Variants in GPR158 observed in about 807,000 individuals in gnomAD.
The protein encoded by GPR158 is G protein-coupled receptor 158.
A neutral mutation model predicts 78.2 loss-of-function variants in GPR158; 30 were observed. The observed-to-expected ratio is 0.38, with a 90% confidence interval of 0.29 to 0.52. GPR158 has a LOEUF of 0.52. Among genes scored for constraint, GPR158 ranks in the 20% least tolerant of loss-of-function variants. GPR158 has a pLI of 0.83. For missense variants in GPR158, 1,463 were observed against 1,523.5 expected, an observed-to-expected ratio of 0.96 and a Z score of 0.66; for synonymous variants, 581 against 591.1, an observed-to-expected ratio of 0.98 and a Z score of 0.25.
intron 9 of GPR158, 98 bp from the exon 10 acceptor site, chr10:25,596,545 A>G: frequency 1.3e-6 from 1 of 775,582 alleles, no homozygotes; most frequent in Non-Finnish European, 2.1e-6. Context: ...AGGTATAGAT[A>G]TAGATACCTA....
intron 5 of GPR158, among the ~76,000 whole-genome samples, chr10:25,517,208 T>G (rs1240030801): frequency 6.7e-6 from 1 of 148,542 alleles, no homozygotes; most frequent in Non-Finnish European, 1.5e-5. Flanking sequence ...TTGTGATTTT[T>G]GTACATTGAT....
chr10:25,463,395 C>CTGGATGGATGGATGGA, intron 4 of GPR158, among the ~76,000 whole-genome samples: 1 of 149,682 alleles, frequency 6.7e-6, no homozygotes, highest in African/African-American at 2.5e-5. Flanking sequence ...TGAGGTTTGT[C>CTGGATGGATGGATGGA]TGGATGGATG....
intron 1 of GPR158, among the ~76,000 whole-genome samples, chr10:25,184,211 TAAAA>T (rs1179740112): frequency 6.6e-6 from 1 of 152,230 alleles, no homozygotes. Context: ...TTTATTTTCT[TAAAA>T]AGAGACAGGG....
intron 6 of GPR158, 39 bp from the exon 7 acceptor site, chr10:25,572,609 TG>T (rs1564493686): frequency 8.2e-7 from 1 of 1,219,930 alleles, no homozygotes; most frequent in East Asian, 2.3e-5. Context: ...ACTTTCTGAA[TG>T]TTAGGTTTGC....
At position 25,176,228 on chromosome 10, in the gene GPR158, C is replaced by T. The variant is rs763476040; in HGVS notation, c.808C>T (p.Leu270=). The change falls in exon 1 of 11, where the codon CTG becomes TTG. Residue 270 remains leucine, a synonymous_variant. Transcript: ENST00000376351. The surrounding 1 kb of genome is among the most constrained non-coding windows in gnomAD (Gnocchi z 6.3). ...KSHFKWSPPY[L]ECENGSYKPG... ...CCACTTCAAGTGGTCTCCGCCTTATCTGGAGTGCGAGAACGGGAGTTACAA... is the reference window on the plus strand; with the variant it reads ...CCACTTCAAGTGGTCTCCGCCTTATTTGGAGTGCGAGAACGGGAGTTACAA... The T allele has an allele frequency of 6.2e-7, 1 of 1,604,034 alleles. No individual in the cohort carries two copies.
At chr10:25,496,604 A>G (rs1419401575) in intron 5 of GPR158, among the ~76,000 whole-genome samples, 2 of 152,198 alleles carry the variant, frequency 1.3e-5, no homozygotes, top group Non-Finnish European at 2.9e-5. Flanking sequence ...ATTTGAGAGG[A>G]AAGAAGGAAC....
intron 2 of GPR158, among the ~76,000 whole-genome samples, chr10:25,316,424 T>C (rs966156477): frequency 4.6e-5 from 7 of 152,224 alleles, no homozygotes; most frequent in Non-Finnish European, 8.8e-5. Context: ...AACAACTTGG[T>C]GACCATTTGC....
At chr10:25,427,109 T>C (rs1257365304) in intron 4 of GPR158, among the ~76,000 whole-genome samples, 2 of 152,070 alleles carry the variant, frequency 1.3e-5, no homozygotes, top group Admixed American at 1.3e-4. Flanking sequence ...TATAGTCAAA[T>C]GGTGGATAAG....
chr10:25,566,874 C>T (rs1310728153), intron 6 of GPR158, among the ~76,000 whole-genome samples: 1 of 152,112 alleles, frequency 6.6e-6, no homozygotes, highest in African/African-American at 2.4e-5. Context: ...GATTTGTCAC[C>T]ATTAATAGCA....
intron 2 of GPR158, among the ~76,000 whole-genome samples, chr10:25,225,869 G>C (rs1436120544): frequency 6.6e-6 from 1 of 152,044 alleles, no homozygotes; most frequent in Non-Finnish European, 1.5e-5. Context: ...GGCTAAAAAG[G>C]TAAGAAAACA....
At chr10:25,493,504 A>C (rs1835838619) in intron 5 of GPR158, among the ~76,000 whole-genome samples, 1 of 152,196 alleles carries the variant, frequency 6.6e-6, no homozygotes, top group African/African-American at 2.4e-5. Flanking sequence ...TTTCTAAAAA[A>C]AAATGTTTCA....
At chr10:25,567,494 T>C (rs906923839) in intron 6 of GPR158, among the ~76,000 whole-genome samples, 11 of 152,182 alleles carry the variant, frequency 7.2e-5, no homozygotes, top group Admixed American at 4.6e-4. Flanking sequence ...TTGATGCTAC[T>C]TGTTTGGTAA....
intron 2 of GPR158, among the ~76,000 whole-genome samples, chr10:25,228,461 T>C (rs992363008): frequency 6.6e-6 from 1 of 152,172 alleles, no homozygotes; most frequent in African/African-American, 2.4e-5. Context: ...AATAATATTA[T>C]ACCATTGTGC....
chr10:25,390,162 TG>T lies in GPR158; in HGVS notation c.1009-5746del, dbSNP rs1834274671. ...TTAAATCTCTTTCCTCTATAAGTCT[TG>T]GGTATATCCTTATAGCAGCTTGAGA... On this transcript the variant is annotated intron_variant, in intron 2 of 10. Transcript: ENST00000376351. 2.0e-5 allele frequency among the ~76,000 whole-genome samples: 3 copies of T among 152,192 alleles called. No individual in the cohort carries two copies. The South Asian group carries it at 6.2e-4, about 31-fold the overall frequency.
At chr10:25,338,737 T>C (rs896589164) in intron 2 of GPR158, among the ~76,000 whole-genome samples, 11 of 150,756 alleles carry the variant, frequency 7.3e-5, no homozygotes, top group Non-Finnish European at 1.3e-4. Context: ...AAATTGTTTG[T>C]ATTATTCTTT....
chr10:25,558,150 C>G (rs985418327), intron 6 of GPR158, among the ~76,000 whole-genome samples: 2 of 152,180 alleles, frequency 1.3e-5, no homozygotes, highest in South Asian at 4.1e-4. Flanking sequence ...AGTTTAAGAG[C>G]TATGTGCCAT....
At chr10:25,508,050 A>G (rs570223965) in intron 5 of GPR158, among the ~76,000 whole-genome samples, 13 of 152,336 alleles carry the variant, frequency 8.5e-5, no homozygotes, top group South Asian at 2.1e-4. Flanking sequence ...CTGAATTCCC[A>G]TATCAGTCAA....
At chr10:25,542,100 C>T (rs1588905150) in intron 5 of GPR158, among the ~76,000 whole-genome samples, 1 of 151,768 alleles carries the variant, frequency 6.6e-6, no homozygotes, top group Non-Finnish European at 1.5e-5. Context: ...ACCATGCCTC[C>T]TAGTACACAG....
At chr10:25,532,467 A>T (rs1225970958) in intron 5 of GPR158, among the ~76,000 whole-genome samples, 1 of 152,046 alleles carries the variant, frequency 6.6e-6, no homozygotes, top group Non-Finnish European at 1.5e-5. Flanking sequence ...TTTCCTGTGA[A>T]TTCTTCTGCA....
Sources: gnomAD v4.1 joint callset for allele counts (sites outside exome capture counted in the v4.1 genomes callset) on GRCh38, gnomAD v4.1.1 for gene constraint, Gnocchi (gnomAD v3.1) non-coding constraint, MANE v1.5 for transcripts, NCBI Gene and HGNC (gene_info 2026-07-23, HGNC 2026-07-21) for gene names.